PLCG2: variants seen among roughly 807,000 people sequenced by gnomAD.
The protein encoded by PLCG2 is 1-phosphatidylinositol 4,5-bisphosphate phosphodiesterase gamma-2.
A neutral mutation model predicts 175.6 loss-of-function variants in PLCG2; 69 were observed. The ratio of observed to expected loss-of-function variants is 0.39; its 90% CI spans 0.32 to 0.48. PLCG2 has a LOEUF of 0.48. Ranked by LOEUF, PLCG2 falls within the 20% of genes least tolerant of loss-of-function variation. PLCG2 has a pLI of 0.91. For synonymous variants in PLCG2, 827 were observed against 624.0 expected (o/e 1.33, Z -4.85); for missense variants, 1,798 against 1,650.9 (o/e 1.09, Z -1.54).
At chr16:81,780,612 C>G (rs111491648) in intron 1 of PLCG2, among the ~76,000 whole-genome samples, 1 of 152,158 alleles carries the variant, frequency 6.6e-6, no homozygotes, top group African/African-American at 2.4e-5. Context: ...AGCTGCCTTC[C>G]CCCACCAGCG....
intron 1 of PLCG2, chr16:81,783,113 T>G (rs1336555357): frequency 2.1e-6 from 1 of 486,996 alleles, no homozygotes; most frequent in Non-Finnish European, 4.1e-6. Context: ...CCTGGTCCCT[T>G]GTCCTGGTTT....
chr16:81,781,265 C>G (rs1452214018), intron 1 of PLCG2, among the ~76,000 whole-genome samples: 1 of 152,152 alleles, frequency 6.6e-6, no homozygotes, highest in Non-Finnish European at 1.5e-5. Flanking sequence ...TTGTCTGAAG[C>G]TATTTTTTTA....
rs547905108 is a variant in PLCG2, at chr16:81,789,565, A to C, written c.193+3383A>C. 3.3e-5 allele frequency among the ~76,000 whole-genome samples: 5 copies of C among 152,364 alleles called. No homozygotes were observed. In the South Asian group the frequency reaches 1.0e-3, roughly 32 times the overall value. On this transcript the variant is annotated intron_variant, in intron 2 of 32. Transcript: ENST00000564138. ...TGGTCTCCGAAAGTGCTGGGATTAC[A>C]GACAGGAACTACCATGCCCGGCCTC...
At chr16:81,865,238 C>G (rs1431400006) in intron 5 of PLCG2, among the ~76,000 whole-genome samples, 3 of 152,090 alleles carry the variant, frequency 2.0e-5, no homozygotes, top group South Asian at 2.1e-4. Flanking sequence ...GCGAGGCACT[C>G]TCTGTAGGGG....
chr16:81,935,618 A>T, intron 26 of PLCG2: 2 of 985,238 alleles, frequency 2.0e-6, no homozygotes, highest in Middle Eastern at 5.2e-4. Flanking sequence ...ACCTTCAGGG[A>T]CTCAGCAGGC....
chr16:81,760,504 A>C (rs907155064), intron 2 of PLCG2, among the ~76,000 whole-genome samples: 4 of 152,154 alleles, frequency 2.6e-5, no homozygotes, highest in African/African-American at 9.7e-5. Flanking sequence ...GAGTGTGGGA[A>C]AACAAGATCT....
chr16:81,875,322 G>C (rs1227091312), intron 7 of PLCG2, among the ~76,000 whole-genome samples: 1 of 152,080 alleles, frequency 6.6e-6, no homozygotes, highest in Non-Finnish European at 1.5e-5. Context: ...AAGAGCTACT[G>C]TTGTTATTGC....
upstream of PLCG2, among the ~76,000 whole-genome samples, chr16:81,778,961 G>C (rs62046428): frequency 3.1e-4 from 47 of 152,182 alleles, no homozygotes; most frequent in African/African-American, 1.1e-3. Context: ...GCGCCCGGCC[G>C]GGAGTGTGTT....
chr16:81,939,857 A>C, intron 29 of PLCG2, 35 bp from the exon 30 acceptor site: 1 of 1,505,596 alleles, frequency 6.6e-7, no homozygotes. Flanking sequence ...GGGCAGCTCC[A>C]ATGTGGCCTC....
chr16:81,937,777 T>C lies in PLCG2; in HGVS notation c.3072T>C (p.Asn1024=), dbSNP rs755927399. The C allele has an allele frequency of 9.3e-6, 15 of 1,613,978 alleles. No homozygotes were observed. The African/African-American group carries it at 2.0e-4, about 22-fold the overall frequency. ...FQTADKYMQM[N]HALFSLNGRT... ...TCCCAGATAAGTACATGCAGATGAATCACGCATTGTTTTCTCTCAATGGGC... is the reference window on the plus strand; with the variant it reads ...TCCCAGATAAGTACATGCAGATGAACCACGCATTGTTTTCTCTCAATGGGC... The change falls in exon 28 of 33, where the codon AAT becomes AAC. Residue 1024 remains asparagine, a synonymous_variant. Coordinates refer to ENST00000564138, the MANE Select transcript of PLCG2 (RefSeq NM_002661.5).
intron 1 of PLCG2, among the ~76,000 whole-genome samples, chr16:81,753,158 G>A (rs1597303183): frequency 6.6e-6 from 1 of 150,968 alleles, no homozygotes; most frequent in East Asian, 1.9e-4. Context: ...CACCCCCTCG[G>A]CCCTGCCTCT....
chr16:81,867,294 T>C (rs75336624), intron 5 of PLCG2, among the ~76,000 whole-genome samples: 3,544 of 152,352 alleles, frequency 0.023, 137 homozygotes, highest in African/African-American at 0.08. Flanking sequence ...TTGACCACTC[T>C]GTCTCAGCTC....
intron 7 of PLCG2, among the ~76,000 whole-genome samples, chr16:81,877,784 TTGGCTTGTAGATGTCATTGCATCGCTC>T (rs1907875711): frequency 6.7e-6 from 1 of 148,362 alleles, no homozygotes; most frequent in African/African-American, 2.5e-5. Context: ...GCATCGCTCC[TTGGCTTGTAGATGTCATTGCATCGCTC>T]CTTGGCTTGT....
In PLCG2 at chr16:81,921,227, C is replaced by G; in HGVS notation, c.2265C>G (p.Val755=). 1 of 1,606,090 alleles carries G rather than the reference C, an allele frequency of 6.2e-7. No individual in the cohort carries two copies. The highest frequency in any genetic ancestry group is 8.5e-7 in the Non-Finnish European group (1 of 1,172,882). Residue 755 remains valine, a synonymous_variant, in exon 21 of 33, where the codon GTC becomes GTG. Transcript: ENST00000564138. ...MERDINSLYD[V]SRMYVDPSEI... ...GAGATATAAACTCCCTCTACGACGT[C>G]AGCAGAATGTATGTGGATCCCAGTG...
At chr16:81,905,369 A>G (rs1909320963) in intron 14 of PLCG2, 34 bp from the exon 15 acceptor site, 2 of 1,516,808 alleles carry the variant, frequency 1.3e-6, no homozygotes, top group Non-Finnish European at 1.8e-6. Flanking sequence ...TTGGGTCTCC[A>G]TGGAGACAGC....
In PLCG2 at chr16:81,771,939, C is replaced by T. The variant is rs575264071; in HGVS notation, c.-47-14004C>T. Among the ~76,000 whole-genome samples, 11 of 152,086 alleles carry T rather than the reference C, an allele frequency of 7.2e-5. No individual in the cohort carries two copies. In the South Asian group the frequency reaches 8.3e-4, roughly 11 times the overall value. ...GCTGGGACTACAGGCTGTGCCTCTACGCCTGGCTACTTTTTGTATTTTTAG... is the reference window on the plus strand; with the variant it reads ...GCTGGGACTACAGGCTGTGCCTCTATGCCTGGCTACTTTTTGTATTTTTAG... On this transcript the variant is annotated intron_variant, in intron 2 of 5. Coordinates refer to the PLCG2 transcript ENST00000565054.
In PLCG2 at chr16:81,785,988, C is replaced by T; in HGVS notation, c.-2C>T. On this transcript the variant is annotated 5_prime_UTR_variant, in exon 2 of 33. Transcript: ENST00000564138. ...CCTTCCTTCTCCCTGGAGCGGCCGA[C>T]AATGTCCACCACGGTCAATGTAGAT... The T allele has an allele frequency of 6.2e-7, 1 of 1,612,174 alleles. No individual in the cohort carries two copies. The highest frequency in any genetic ancestry group is 1.1e-5 in the South Asian group (1 of 90,938).
At chr16:81,949,019 C>A (rs12444401) in intron 31 of PLCG2, among the ~76,000 whole-genome samples, 1 of 151,988 alleles carries the variant, frequency 6.6e-6, no homozygotes, top group Non-Finnish European at 1.5e-5. Context: ...GAGAATAGAC[C>A]TGATTTGTTG....
chr16:81,789,951 C>G (rs1475240848), intron 2 of PLCG2, among the ~76,000 whole-genome samples: 1 of 151,764 alleles, frequency 6.6e-6, no homozygotes, highest in Admixed American at 6.6e-5. Flanking sequence ...CTCCGTGGAG[C>G]CTATATTGCT....
Sources: gnomAD v4.1 joint callset for allele counts (sites outside exome capture counted in the v4.1 genomes callset) on GRCh38, gnomAD v4.1.1 for gene constraint, MANE v1.5 for transcripts, NCBI Gene and HGNC (gene_info 2026-07-23, HGNC 2026-07-21) for gene names.